ANKRD33B: variants seen among roughly 807,000 people sequenced by gnomAD.
ANKRD33B encodes ankyrin repeat domain 33B.
A neutral mutation model predicts 21.5 loss-of-function variants in ANKRD33B; 6 were observed. The observed-to-expected ratio is 0.28, with a 90% CI of 0.15 to 0.55. ANKRD33B has a LOEUF of 0.55. Among genes scored for constraint, ANKRD33B ranks in the 20% least tolerant of loss-of-function variants. The pLI is 0.94. For missense variants in ANKRD33B, 698 were observed against 747.2 expected (o/e 0.93, Z 0.77); for synonymous variants, 347 against 342.4 (o/e 1.01, Z -0.15).
At chr5:10,579,438 A>G (rs1735394938) in intron 1 of ANKRD33B, among the ~76,000 whole-genome samples, 1 of 152,034 alleles carries the variant, frequency 6.6e-6, no homozygotes, top group South Asian at 2.1e-4. Flanking sequence ...TGAAGGGATA[A>G]TTTTGAAATT....
intron 2 of ANKRD33B, among the ~76,000 whole-genome samples, chr5:10,630,269 T>C (rs943442530): frequency 3.9e-5 from 6 of 152,358 alleles, no homozygotes; most frequent in African/African-American, 1.4e-4. Flanking sequence ...TCTTGGGCAC[T>C]TCGGCTGGGG....
intron 1 of ANKRD33B, among the ~76,000 whole-genome samples, chr5:10,614,755 C>T (rs1479309212): frequency 6.6e-6 from 1 of 152,128 alleles, no homozygotes. Context: ...GGCTTGGTGG[C>T]AGGCACCTGT....
chr5:10,586,160 G>A (rs772722511), intron 1 of ANKRD33B, among the ~76,000 whole-genome samples: 1 of 151,034 alleles, frequency 6.6e-6, no homozygotes, highest in African/African-American at 2.4e-5. Flanking sequence ...TTCAGGACAC[G>A]TGAGGAATTT....
chr5:10,621,936 A>G (rs73744113), intron 2 of ANKRD33B, among the ~76,000 whole-genome samples: 10,501 of 152,234 alleles, frequency 0.069, 967 homozygotes, highest in African/African-American at 0.21. Flanking sequence ...TAGTGTCCTT[A>G]TAAGAAGAGG....
intron 1 of ANKRD33B, among the ~76,000 whole-genome samples, chr5:10,580,928 G>T (rs968032794): frequency 1.3e-5 from 2 of 152,046 alleles, no homozygotes; most frequent in African/African-American, 4.8e-5. Flanking sequence ...AACTCACTTG[G>T]CAGTGGGTTG....
At chr5:10,617,081 A>G (rs1736299899) in intron 1 of ANKRD33B, among the ~76,000 whole-genome samples, 1 of 152,192 alleles carries the variant, frequency 6.6e-6, no homozygotes, top group African/African-American at 2.4e-5. Flanking sequence ...TAGGACACTA[A>G]TCCCATTCAT....
At chr5:10,609,572 C>T (rs1234335423) in intron 1 of ANKRD33B, among the ~76,000 whole-genome samples, 3 of 151,844 alleles carry the variant, frequency 2.0e-5, no homozygotes, top group African/African-American at 7.3e-5. Context: ...TTGTGGCTCC[C>T]CTTATGTCTT....
In ANKRD33B at chr5:10,638,078, C is replaced by G; in HGVS notation, c.547C>G (p.Leu183Val). The change falls in exon 3 of 4, where the codon CTT becomes GTT. Residue 183 changes from leucine to valine, a missense_variant. By Grantham distance (32) the Leu-to-Val change is conservative (BLOSUM62 1). Coordinates refer to ENST00000296657, the MANE Select transcript of ANKRD33B (RefSeq NM_001164440.2). ...GTTGAACTATTTCCCTGGTCTTGACCTTGAAAGGAGGAACGCGTTCGGGTT... is the reference window on the plus strand; with the variant it reads ...GTTGAACTATTTCCCTGGTCTTGACGTTGAAAGGAGGAACGCGTTCGGGTT... Reference protein sequence around the residue: ...YLLNYFPGLDLERRNAFGFTA... With the variant: ...YLLNYFPGLDVERRNAFGFTA... 1 of 1,537,616 alleles carries G rather than the reference C, an allele frequency of 6.5e-7. No individual in the cohort carries two copies. Among genetic ancestry groups the G allele is most frequent in the Non-Finnish European group, 8.7e-7 (1 of 1,146,974 alleles).
At chr5:10,623,510 A>C (rs1736470532) in intron 2 of ANKRD33B, among the ~76,000 whole-genome samples, 1 of 152,218 alleles carries the variant, frequency 6.6e-6, no homozygotes, top group South Asian at 2.1e-4. Flanking sequence ...TCCCACCACG[A>C]GGACCCCTCC....
chr5:10,632,936 C>T (rs763906043), intron 2 of ANKRD33B, among the ~76,000 whole-genome samples: 5 of 151,836 alleles, frequency 3.3e-5, no homozygotes, highest in African/African-American at 9.7e-5. Flanking sequence ...TACAGGCACC[C>T]GCCACCACTC....
intron 3 of ANKRD33B, among the ~76,000 whole-genome samples, chr5:10,647,090 G>A (rs1737204559): frequency 6.6e-6 from 1 of 152,084 alleles, no homozygotes; most frequent in East Asian, 1.9e-4. Flanking sequence ...ATGACTAATG[G>A]GACTTGAAAT....
chr5:10,616,118 G>A (rs1323418156), intron 1 of ANKRD33B, among the ~76,000 whole-genome samples: 1 of 152,176 alleles, frequency 6.6e-6, no homozygotes, highest in Non-Finnish European at 1.5e-5. Context: ...CTGTGGTATG[G>A]ATGTCAGTGT....
In ANKRD33B at chr5:10,604,595, T is replaced by A. The variant is rs534640065; in HGVS notation, c.367-13738T>A. On this transcript the variant is annotated intron_variant, in intron 1 of 3. Transcript: ENST00000296657. ...GTATAGTGAAGTCCAGAGAGGAGAT[T>A]TTCTTAGCTGAGTTGCAGAATTAAT... 1.5e-3 allele frequency among the ~76,000 whole-genome samples: 231 copies of A among 152,058 alleles called. 1 individual carries two copies. Among genetic ancestry groups the A allele is most frequent in the Admixed American group, 2.6e-3 (39 of 15,272 alleles).
intron 1 of ANKRD33B, among the ~76,000 whole-genome samples, chr5:10,603,267 A>C (rs917825029): frequency 6.6e-6 from 1 of 151,238 alleles, no homozygotes; most frequent in Admixed American, 6.6e-5. Flanking sequence ...CCTTAAAAAA[A>C]ATTTTTTTTT....
At chr5:10,617,269 T>G (rs1194208415) in intron 1 of ANKRD33B, among the ~76,000 whole-genome samples, 1 of 152,240 alleles carries the variant, frequency 6.6e-6, no homozygotes, top group African/African-American at 2.4e-5. Flanking sequence ...TATTCATCTC[T>G]ACCTGACGTC....
At chr5:10,603,006 G>A (rs1334823992) in intron 1 of ANKRD33B, among the ~76,000 whole-genome samples, 2 of 151,980 alleles carry the variant, frequency 1.3e-5, no homozygotes, top group South Asian at 4.2e-4. Context: ...TAGAGACGCG[G>A]TTTTGCCATG....
chr5:10,568,822 C>A (rs1735113900), intron 1 of ANKRD33B, among the ~76,000 whole-genome samples: 1 of 152,180 alleles, frequency 6.6e-6, no homozygotes, highest in African/African-American at 2.4e-5. Flanking sequence ...GTGTGAGGCA[C>A]CGCGCCTGCC....
intron 1 of ANKRD33B, among the ~76,000 whole-genome samples, chr5:10,610,411 C>T (rs564953018): frequency 3.3e-4 from 50 of 151,964 alleles, no homozygotes; most frequent in African/African-American, 1.0e-3. Context: ...GCCCCCCCCC[C>T]GAATAAAGAA....
intron 1 of ANKRD33B, among the ~76,000 whole-genome samples, chr5:10,596,898 T>G (rs531670514): frequency 3.5e-4 from 54 of 152,210 alleles, no homozygotes; most frequent in South Asian, 8.3e-4. Context: ...ATATTCAACA[T>G]TCTTAAAGAA....
Sources: allele counts gnomAD v4.1 joint callset (sites outside exome capture counted in the v4.1 genomes callset), GRCh38; gene constraint gnomAD v4.1.1; transcripts MANE v1.5; gene names NCBI Gene and HGNC (gene_info 2026-07-23, HGNC 2026-07-21).